SAMD4A: variants seen among roughly 807,000 people sequenced by gnomAD.
SAMD4A encodes the protein protein Smaug homolog 1.
SAMD4A carries 33 observed loss-of-function variants against 81.3 expected under a neutral mutation model. The observed-to-expected ratio is 0.41, with a 90% CI of 0.31 to 0.54. The LOEUF is 0.54. Among genes scored for constraint, SAMD4A ranks in the 20% least tolerant of loss-of-function variants. The pLI is 0.37. For synonymous variants in SAMD4A, 389 were observed against 382.1 expected, an observed-to-expected ratio of 1.02 and a Z score of -0.21; for missense variants, 854 against 951.1, an observed-to-expected ratio of 0.90 and a Z score of 1.34.
chr14:54,660,723 T>C (rs2035623506), intron 2 of SAMD4A, among the ~76,000 whole-genome samples: 1 of 152,236 alleles, frequency 6.6e-6, no homozygotes, highest in South Asian at 2.1e-4. Flanking sequence ...TGATTATGTG[T>C]TTTAACAGCA....
rs560187542 is a variant in SAMD4A at position 54,761,466 on chromosome 14, C to T, written c.1510+972C>T. 2.0e-5 allele frequency among the ~76,000 whole-genome samples: 3 copies of T among 152,216 alleles called. No individual in the cohort carries two copies. In the East Asian group the frequency reaches 5.8e-4, roughly 29 times the overall value. On this transcript the variant is annotated intron_variant, in intron 7 of 12. Transcript: ENST00000554335. ...TTGTTACCTCTACAGCCCTTACCAC[C>T]TCCATTCTACACTCCAGACTTTGTA...
intron 2 of SAMD4A, among the ~76,000 whole-genome samples, chr14:54,591,938 T>C (rs2033788142): frequency 6.6e-6 from 1 of 152,074 alleles, no homozygotes; most frequent in African/African-American, 2.4e-5. Context: ...TCACCACTCT[T>C]CTCCATGAGC....
Position 54,770,197 on chromosome 14 carries a change from A to G in SAMD4A, c.1690A>G (p.Ile564Val), listed in dbSNP as rs764887980. The G allele has an allele frequency of 1.2e-6, 2 of 1,611,494 alleles. No individual in the cohort carries two copies. Among genetic ancestry groups the G allele is most frequent in the African/African-American group, 1.3e-5 (1 of 74,876 alleles). ...TTTCCCTCGGAAAACCCTTCTAGAC[A>G]TATCAGGATATCGACAGCAAAGAAA... ...RSFPRKTLLD[I>V]SGYRQQRNRG... is the part of the protein sequence containing the mutation. Residue 564 changes from isoleucine (I) to valine (V), a missense_variant, in exon 9 of 13, where the codon ATA (isoleucine) becomes GTA (valine). Ile to Val is a conservative substitution (Grantham distance 29). This residue lies in a region of SAMD4A where 428 missense variants were observed against 471.2 expected (regional missense o/e 0.91). Coordinates refer to ENST00000554335, the MANE Select transcript of SAMD4A (RefSeq NM_015589.6).
intron 3 of SAMD4A, among the ~76,000 whole-genome samples, chr14:54,733,836 A>C (rs2037621611): frequency 6.6e-6 from 1 of 151,954 alleles, no homozygotes; most frequent in South Asian, 2.1e-4. Context: ...TAGGAAAAAA[A>C]AAAAACTTCT....
At chr14:54,684,544 C>G (rs1274167866) in intron 2 of SAMD4A, among the ~76,000 whole-genome samples, 1 of 152,186 alleles carries the variant, frequency 6.6e-6, no homozygotes, top group African/African-American at 2.4e-5. Context: ...GGGTTACAGA[C>G]TTCCAGTGGG....
chr14:54,595,779 A>C (rs907821575), intron 2 of SAMD4A, among the ~76,000 whole-genome samples: 1 of 152,214 alleles, frequency 6.6e-6, no homozygotes, highest in African/African-American at 2.4e-5. Flanking sequence ...ATTTTAGGAA[A>C]GTGTAAGAAA....
At chr14:54,615,102 G>A (rs1015783184) in intron 2 of SAMD4A, among the ~76,000 whole-genome samples, 3 of 152,172 alleles carry the variant, frequency 2.0e-5, no homozygotes, top group Non-Finnish European at 2.9e-5. Flanking sequence ...AAGTTCACCT[G>A]GAACCTTGGA....
At chr14:54,682,137 A>C in intron 2 of SAMD4A, 1 of 858,420 alleles carries the variant, frequency 1.2e-6, no homozygotes, top group Non-Finnish European at 1.4e-6. Context: ...TGTGGCCTTT[A>C]ATGTTTGGGA....
In SAMD4A at chr14:54,568,094, C is replaced by T. The variant is rs775684220; in HGVS notation, c.178C>T (p.Arg60Cys). 3 of 1,555,708 alleles carry T rather than the reference C, an allele frequency of 1.9e-6. No homozygotes were observed. Among genetic ancestry groups the T allele is most frequent in the Non-Finnish European group, 2.6e-6 (3 of 1,159,056 alleles). ...ADCAELHVLE[R>C]EANSPGIINQ... ...CTGCGCCGAGCTGCACGTCCTCGAA[C>T]GCGAGGCCAACAGCCCCGGTAAGTG... The change falls in exon 2 of 13, where the codon CGC (arginine) becomes TGC (cysteine). Residue 60 changes from arginine (R) to cysteine (C), a missense_variant. Arg to Cys is a radical substitution (Grantham distance 180). Coordinates refer to ENST00000554335, the MANE Select transcript of SAMD4A (RefSeq NM_015589.6).
At chr14:54,770,029 C>T in intron 8 of SAMD4A, 75 bp from the exon 9 acceptor site, 1 of 913,648 alleles carries the variant, frequency 1.1e-6, no homozygotes, top group South Asian at 1.4e-5. Flanking sequence ...CAATGTTTTC[C>T]CCTTATTAAT....
At chr14:54,737,406 C>G (rs574894569) in intron 4 of SAMD4A, 119 bp downstream of exon 4, 1 of 1,175,512 alleles carries the variant, frequency 8.5e-7, no homozygotes, top group Non-Finnish European at 1.2e-6. Context: ...CCCAGGCTTA[C>G]GCATTTGATC....
At chr14:54,643,980 C>T (rs576129126) in intron 2 of SAMD4A, among the ~76,000 whole-genome samples, 1 of 152,104 alleles carries the variant, frequency 6.6e-6, no homozygotes, top group East Asian at 1.9e-4. Flanking sequence ...AGGAGGGACT[C>T]GGTAGAACAA....
At chr14:54,591,379 G>A (rs1044971454) in intron 2 of SAMD4A, among the ~76,000 whole-genome samples, 2 of 152,150 alleles carry the variant, frequency 1.3e-5, no homozygotes, top group Admixed American at 6.5e-5. Flanking sequence ...CAATGTACAG[G>A]GCAATTGCTC....
rs543355867 is a variant in SAMD4A at position 54,791,393 on chromosome 14, A to G, written c.*2449A>G. On this transcript the variant is annotated 3_prime_UTR_variant, in exon 13 of 13. Transcript: ENST00000554335. ...AGATTGTGAACACAATCACATTCGC[A>G]TGAATCCTTTAAAAGGAAGAAGACC... is the stretch of plus-strand genomic sequence containing the variant. 6.6e-6 allele frequency: 1 copy of G among 152,360 alleles called. No homozygotes were observed. The highest frequency in any genetic ancestry group is 2.1e-4 in the South Asian group (1 of 4,832). The allele number at this position is 152,360 out of a possible 1,614,324, so 9.4% of individuals were successfully genotyped here. A position where few individuals can be genotyped will look rare whatever the true frequency, so the allele number is the denominator to read the frequency against.
chr14:54,686,639 T>C (rs951761229), intron 2 of SAMD4A, among the ~76,000 whole-genome samples: 30 of 151,522 alleles, frequency 2.0e-4, no homozygotes, highest in African/African-American at 7.3e-4. Flanking sequence ...GTATTATGAA[T>C]GTGAAAAAAA....
chr14:54,615,018 G>C (rs2034457064), intron 2 of SAMD4A, among the ~76,000 whole-genome samples: 1 of 152,136 alleles, frequency 6.6e-6, no homozygotes, highest in Admixed American at 6.5e-5. Context: ...CAAAAGGGTG[G>C]TCAGATGCCA....
intron 2 of SAMD4A, among the ~76,000 whole-genome samples, chr14:54,695,953 G>GAAAAAAAAAAAAAAA (rs35817270): frequency 3.8e-5 from 3 of 78,278 alleles, no homozygotes; most frequent in African/African-American, 1.7e-4. Context: ...CTCCATCTCA[G>GAAAAAAAAAAAAAAA]AAAAAAAAAA....
intron 8 of SAMD4A, among the ~76,000 whole-genome samples, chr14:54,769,097 G>A (rs1251531585): frequency 6.6e-6 from 1 of 152,196 alleles, no homozygotes; most frequent in Non-Finnish European, 1.5e-5. Context: ...CCCACAGCAC[G>A]TGTTCTAAGT....
At chr14:54,617,682 T>C (rs1006157033) in intron 2 of SAMD4A, among the ~76,000 whole-genome samples, 3 of 152,224 alleles carry the variant, frequency 2.0e-5, no homozygotes, top group African/African-American at 7.2e-5. Context: ...CCATTGGAGT[T>C]CTCACTGCCA....
Sources: gnomAD v4.1 joint callset for allele counts (sites outside exome capture counted in the v4.1 genomes callset) on GRCh38, gnomAD v4.1.1 for gene constraint, gnomAD v4.1.1 regional missense constraint, MANE v1.5 for transcripts, NCBI Gene and HGNC (gene_info 2026-07-23, HGNC 2026-07-21) for gene names.